Variants in KIRREL3 observed in about 807,000 individuals in gnomAD.
KIRREL3 encodes the protein kirre like nephrin family adhesion molecule 3, also known as kin of IRRE-like protein 3.
Under a neutral mutation model 89.7 loss-of-function variants are expected in KIRREL3, and 36 were observed. The ratio of observed to expected loss-of-function variants is 0.40; its 90% CI spans 0.31 to 0.53. The LOEUF is 0.53. Among genes scored for constraint, KIRREL3 ranks in the 20% least tolerant of loss-of-function variants. The pLI is 0.49. For synonymous variants in KIRREL3, 445 were observed against 441.4 expected, an observed-to-expected ratio of 1.01 and a Z score of -0.10; for missense variants, 864 against 1,056.6, an observed-to-expected ratio of 0.82 and a Z score of 2.53.
In KIRREL3 at chr11:126,817,208, G is replaced by A. The variant is rs547405698; in HGVS notation, c.55+183247C>T. On this transcript the variant is annotated intron_variant, in intron 1 of 16. Transcript: ENST00000525144. This position sits in a 1 kb window ranked among gnomAD's most constrained non-coding sequence, Gnocchi z 5.7. ...AGCTCATCTAAGACCAGAGGAGGCA[G>A]AGGGGATAAACAGCTCACCCTGTTG... Among the ~76,000 whole-genome samples, 49 of 152,334 alleles carry A rather than the reference G, an allele frequency of 3.2e-4. No individual in the cohort carries two copies. Among genetic ancestry groups the A allele is most frequent in the Non-Finnish European group, 5.9e-4 (40 of 68,030 alleles).
At chr11:126,846,012 C>T (rs1334958299) in intron 1 of KIRREL3, among the ~76,000 whole-genome samples, 1 of 152,134 alleles carries the variant, frequency 6.6e-6, no homozygotes, top group Non-Finnish European at 1.5e-5. Context: ...AAAAGTGGAT[C>T]AATTCCTCTC....
intron 1 of KIRREL3, among the ~76,000 whole-genome samples, chr11:126,713,437 C>G (rs532402018): frequency 6.6e-6 from 1 of 152,264 alleles, no homozygotes; most frequent in African/African-American, 2.4e-5. Flanking sequence ...GTTTGGACGT[C>G]CTCATGGAGG....
At position 126,477,573 on chromosome 11, in the gene KIRREL3, A is replaced by C. The variant is rs953273407; in HGVS notation, c.434-4107T>G. 1.3e-5 allele frequency among the ~76,000 whole-genome samples: 2 copies of C among 152,168 alleles called. No homozygotes were observed. The highest frequency in any genetic ancestry group is 3.4e-3 in the Middle Eastern group (1 of 294). On this transcript the variant is annotated intron_variant, in intron 4 of 16. Transcript: ENST00000525144. This position sits in a 1 kb window ranked among gnomAD's most constrained non-coding sequence, Gnocchi z 4.8. ...AACTGGAGAGGTAAAGCTTTCATCT[A>C]TTTCACGCACTAAGGTTCTCTCTAA...
chr11:126,813,569 C>G (rs556553785), intron 1 of KIRREL3, among the ~76,000 whole-genome samples: 1 of 152,068 alleles, frequency 6.6e-6, no homozygotes, highest in Admixed American at 6.5e-5. Flanking sequence ...GAATGAATTC[C>G]CCTGTTTATT....
At chr11:126,984,016 G>A (rs548081953) in intron 1 of KIRREL3, among the ~76,000 whole-genome samples, 1 of 152,162 alleles carries the variant, frequency 6.6e-6, no homozygotes, top group African/African-American at 2.4e-5. Flanking sequence ...TGGTATTAGA[G>A]GTTAATTCTC....
rs981967582 is a variant in KIRREL3, at chr11:126,883,958, C to G, written c.55+116497G>C. 1.3e-5 allele frequency among the ~76,000 whole-genome samples: 2 copies of G among 152,174 alleles called. No individual in the cohort carries two copies. Among genetic ancestry groups the G allele is most frequent in the Non-Finnish European group, 2.9e-5 (2 of 68,030 alleles). On this transcript the variant is annotated intron_variant, in intron 1 of 16. Coordinates refer to ENST00000525144, the MANE Select transcript of KIRREL3 (RefSeq NM_032531.4). This position sits in a 1 kb window ranked among gnomAD's most constrained non-coding sequence, Gnocchi z 4.1. ...AATGGAAGCTTCTCAAAGACATGAG[C>G]CCCCTGTTCCTGCAGGTATTAAAGT...
chr11:126,955,574 C>T lies in KIRREL3; in HGVS notation c.55+44881G>A, dbSNP rs957927989. Among the ~76,000 whole-genome samples the T allele has an allele frequency of 2.6e-5, 4 of 152,194 alleles. No individual in the cohort carries two copies. The highest frequency in any genetic ancestry group is 9.6e-5 in the African/African-American group (4 of 41,452). On this transcript the variant is annotated intron_variant, in intron 1 of 16. Transcript: ENST00000525144. This position sits in a 1 kb window ranked among gnomAD's most constrained non-coding sequence, Gnocchi z 4.6. ...TGTGTTGGCCAGGGAGACTTCCTTG[C>T]TGCATTCTATCTCACTCCACCCCAA...
rs1339188156 is a variant in KIRREL3 at position 126,976,381 on chromosome 11, G to C, written c.55+24074C>G. Among the ~76,000 whole-genome samples, 1 of 152,194 alleles carries C rather than the reference G, an allele frequency of 6.6e-6. No homozygotes were observed. The highest frequency in any genetic ancestry group is 1.5e-5 in the Non-Finnish European group (1 of 68,038). On this transcript the variant is annotated intron_variant, in intron 1 of 16. Transcript: ENST00000525144. This position sits in a 1 kb window ranked among gnomAD's most constrained non-coding sequence, Gnocchi z 4.2. ...CCAGGGACCACAGATTATTTTCTGA[G>C]TGTTTATGAACCGTTACATTAATCT...
Position 126,526,651 on chromosome 11 carries a change from T to C in KIRREL3, c.170A>G (p.Gln57Arg), listed in dbSNP as rs1237549156. The C allele has an allele frequency of 6.3e-7, 1 of 1,580,558 alleles. No individual in the cohort carries two copies. Among genetic ancestry groups the C allele is most frequent in the Non-Finnish European group, 8.6e-7 (1 of 1,163,288 alleles). ...CACTGGCTGTCCCGACACCACCACC[T>C]GGTCCTGGGGCTGCTGGCTGAAGGA... ...VYSFSQQPQDQVVVSGQPVTL... is the reference protein window; with the variant it reads ...VYSFSQQPQDRVVVSGQPVTL... The change falls in exon 3 of 17, where the codon CAG becomes CGG. Residue 57 changes from glutamine (Q) to arginine (R), a missense_variant. Coordinates refer to ENST00000525144, the MANE Select transcript of KIRREL3 (RefSeq NM_032531.4). This position sits in a 1 kb window ranked among gnomAD's most constrained non-coding sequence, Gnocchi z 5.7.
rs1268376472 is a variant in KIRREL3, at chr11:126,689,042, A to G, written c.56-126130T>C. On this transcript the variant is annotated intron_variant, in intron 1 of 16. Transcript: ENST00000525144. This position sits in a 1 kb window ranked among gnomAD's most constrained non-coding sequence, Gnocchi z 5.2. ...ATGTGTGTGTGTGTAAGGGGGAGAG[A>G]AGAGAGAGAGAGAGAGAGAGAGAGA... 1.5e-5 allele frequency among the ~76,000 whole-genome samples: 2 copies of G among 129,766 alleles called. No homozygotes were observed. Among genetic ancestry groups the G allele is most frequent in the Non-Finnish European group, 1.6e-5 (1 of 62,210 alleles). The allele number at this position is 129,766 out of a possible 152,430, so 85.1% of individuals were successfully genotyped here. A position where few individuals can be genotyped will look rare whatever the true frequency, so the allele number is the denominator to read the frequency against.
At chr11:126,660,871 G>A (rs12798356) in intron 1 of KIRREL3, among the ~76,000 whole-genome samples, 3,492 of 152,260 alleles carry the variant, frequency 0.023, 73 homozygotes, top group Admixed American at 0.038. Flanking sequence ...CAGCTATAGG[G>A]GATAGAGGCT....
intron 1 of KIRREL3, among the ~76,000 whole-genome samples, chr11:126,921,478 T>A (rs1764258883): frequency 6.6e-6 from 1 of 152,034 alleles, no homozygotes; most frequent in African/African-American, 2.4e-5. Context: ...TGTCCATCCA[T>A]CTTCCTGTGT....
At position 126,709,350 on chromosome 11, in the gene KIRREL3, G is replaced by A. The variant is rs1265695484; in HGVS notation, c.56-146438C>T. Among the ~76,000 whole-genome samples, 2 of 152,162 alleles carry A rather than the reference G, an allele frequency of 1.3e-5. No homozygotes were observed. Among genetic ancestry groups the A allele is most frequent in the African/African-American group, 4.8e-5 (2 of 41,428 alleles). On this transcript the variant is annotated intron_variant, in intron 1 of 16. Transcript: ENST00000525144. The surrounding 1 kb of genome is among the most constrained non-coding windows in gnomAD (Gnocchi z 4.0). ...TCCTATCTCTTCCCCGGGAGTAGGGGTGGAGGGGCAGCACCCCCGGGCAGA... is the reference window on the plus strand; with the variant it reads ...TCCTATCTCTTCCCCGGGAGTAGGGATGGAGGGGCAGCACCCCCGGGCAGA...
intron 1 of KIRREL3, among the ~76,000 whole-genome samples, chr11:126,868,391 G>A (rs1452178424): frequency 1.3e-5 from 2 of 152,184 alleles, no homozygotes; most frequent in Non-Finnish European, 2.9e-5. Context: ...TCAGGAGAAA[G>A]TGTGGCTGGT....
At chr11:126,861,719 G>A (rs144749002) in intron 1 of KIRREL3, among the ~76,000 whole-genome samples, 9 of 152,300 alleles carry the variant, frequency 5.9e-5, no homozygotes, top group African/African-American at 1.7e-4. Flanking sequence ...GTATATTCAC[G>A]TTTTATCTGG....
intron 2 of KIRREL3, among the ~76,000 whole-genome samples, chr11:126,529,936 T>A (rs1004274772): frequency 6.7e-6 from 1 of 149,668 alleles, no homozygotes; most frequent in African/African-American, 2.5e-5. Flanking sequence ...GTGCTTTGGA[T>A]GAAGGTGGAG....
intron 5 of KIRREL3, among the ~76,000 whole-genome samples, chr11:126,468,651 A>C (rs960499029): frequency 2.0e-5 from 3 of 152,228 alleles, no homozygotes; most frequent in African/African-American, 7.2e-5. Flanking sequence ...GTGTTTTATG[A>C]AATAGCTGTA....
intron 1 of KIRREL3, among the ~76,000 whole-genome samples, chr11:126,926,530 G>T (rs900707525): frequency 6.6e-6 from 1 of 152,190 alleles, no homozygotes; most frequent in Non-Finnish European, 1.5e-5. Context: ...ACTATGAGGG[G>T]TGACTCGGCT....
chr11:126,620,290 T>A lies in KIRREL3; in HGVS notation c.56-57378A>T, dbSNP rs1313142214. Among the ~76,000 whole-genome samples, 2 of 152,248 alleles carry A rather than the reference T, an allele frequency of 1.3e-5. No homozygotes were observed. Among genetic ancestry groups the A allele is most frequent in the Non-Finnish European group, 2.9e-5 (2 of 68,042 alleles). ...AGACCCAAGGTGGATTCTAGACCCA[T>A]TATCTTGATCATTCTTTATCAGCAA... On this transcript the variant is annotated intron_variant, in intron 1 of 16. Coordinates refer to ENST00000525144, the MANE Select transcript of KIRREL3 (RefSeq NM_032531.4). This position sits in a 1 kb window ranked among gnomAD's most constrained non-coding sequence, Gnocchi z 4.8.
Sources: gnomAD v4.1 joint callset for allele counts (sites outside exome capture counted in the v4.1 genomes callset) on GRCh38, gnomAD v4.1.1 for gene constraint, Gnocchi (gnomAD v3.1) non-coding constraint, MANE v1.5 for transcripts, NCBI Gene and HGNC (gene_info 2026-07-23, HGNC 2026-07-21) for gene names.